RNGTT: variants seen among roughly 807,000 people sequenced by gnomAD.
RNGTT encodes RNA guanylyltransferase and 5'-phosphatase.
RNGTT carries 33 observed loss-of-function variants against 79.3 expected under a neutral mutation model. That is an observed-to-expected ratio of 0.42 (90% confidence interval 0.32 to 0.56). The LOEUF (loss-of-function observed/expected upper bound fraction) is 0.56, where lower values mean the gene tolerates loss of function less well. Among genes scored for constraint, RNGTT ranks in the 20% least tolerant of loss-of-function variants. RNGTT has a pLI of 0.17. For missense variants in RNGTT, 497 were observed against 739.1 expected (o/e 0.67, Z 3.80); for synonymous variants, 222 against 235.9 (o/e 0.94, Z 0.54).
chr6:88,646,133 TCAAA>T (rs1773546119), intron 14 of RNGTT, among the ~76,000 whole-genome samples: 1 of 151,940 alleles, frequency 6.6e-6, no homozygotes, highest in South Asian at 2.1e-4. Flanking sequence ...TACAAAGAAC[TCAAA>T]CAAATTTACA....
chr6:88,951,101 C>T lies in RNGTT; in HGVS notation c.65-9921G>A, dbSNP rs149895517. 5.0e-3 allele frequency among the ~76,000 whole-genome samples: 754 copies of T among 152,114 alleles called. 10 individuals are homozygous for T. Among genetic ancestry groups the T allele is most frequent in the East Asian group, 0.027 (141 of 5,154 alleles). Reference sequence around the variant, plus strand: ...TTTGAACTCCTGACCTCAGGTGATCCGCCTGCCTCGGCCTCCCAGAGTGCT... The same window carrying T: ...TTTGAACTCCTGACCTCAGGTGATCTGCCTGCCTCGGCCTCCCAGAGTGCT... On this transcript the variant is annotated intron_variant, in intron 1 of 15. Coordinates refer to ENST00000369485, the MANE Select transcript of RNGTT (RefSeq NM_003800.5).
chr6:88,801,013 G>A (rs919326777), intron 12 of RNGTT, among the ~76,000 whole-genome samples: 5 of 152,162 alleles, frequency 3.3e-5, no homozygotes, highest in African/African-American at 1.2e-4. Context: ...ACCTGCTATA[G>A]AGTAAAATAC....
intron 2 of RNGTT, among the ~76,000 whole-genome samples, chr6:88,930,549 T>A (rs1161529764): frequency 6.6e-6 from 1 of 151,822 alleles, no homozygotes; most frequent in East Asian, 1.9e-4. Context: ...GTAAATTGTT[T>A]AAAAAAAAGT....
At chr6:88,804,161 C>T (rs1447374761) in intron 11 of RNGTT, among the ~76,000 whole-genome samples, 1 of 151,996 alleles carries the variant, frequency 6.6e-6, no homozygotes, top group Admixed American at 6.6e-5. Flanking sequence ...GAAAAGGAAA[C>T]TGAGGTCATC....
chr6:88,812,578 G>T (rs1780175550), intron 11 of RNGTT, among the ~76,000 whole-genome samples: 1 of 152,222 alleles, frequency 6.6e-6, no homozygotes, highest in Non-Finnish European at 1.5e-5. Context: ...TCTTGGAAGA[G>T]CAGGTGGCAG....
At chr6:88,696,158 A>T (rs1775657170) in intron 13 of RNGTT, among the ~76,000 whole-genome samples, 1 of 152,230 alleles carries the variant, frequency 6.6e-6, no homozygotes, top group Non-Finnish European at 1.5e-5. Flanking sequence ...AAACGTGCTC[A>T]CCACAAAAAA....
At chr6:88,734,071 TAGTC>T (rs150765777) in intron 13 of RNGTT, among the ~76,000 whole-genome samples, 3,101 of 152,278 alleles carry the variant, frequency 0.02, 114 homozygotes, top group African/African-American at 0.069. Flanking sequence ...TTCTTATTCT[TAGTC>T]AGAAGTAAAT....
At chr6:88,808,620 T>A (rs1328033882) in intron 11 of RNGTT, among the ~76,000 whole-genome samples, 3 of 152,130 alleles carry the variant, frequency 2.0e-5, no homozygotes, top group Admixed American at 6.5e-5. Context: ...TAAATTTTTT[T>A]AAGAAATCAA....
rs566619772 is a variant in RNGTT, at chr6:88,770,768, G to T, written c.1339-894C>A. ...TGAGAAGTCCATTTGCTCCATATCC[G>T]CCTTGGACTAGGCATTGTCAGTCTT... On this transcript the variant is annotated intron_variant, in intron 12 of 15. Transcript: ENST00000369485. Among the ~76,000 whole-genome samples, 4 of 152,236 alleles carry T rather than the reference G, an allele frequency of 2.6e-5. No homozygotes were observed. In the South Asian group the frequency reaches 6.2e-4, roughly 24 times the overall value.
At chr6:88,616,888 C>T (rs1010809548) in intron 14 of RNGTT, among the ~76,000 whole-genome samples, 3 of 152,176 alleles carry the variant, frequency 2.0e-5, no homozygotes, top group Non-Finnish European at 2.9e-5. Context: ...AAGTTTTTAA[C>T]TTTGATGTAG....
intron 4 of RNGTT, among the ~76,000 whole-genome samples, chr6:88,925,025 T>C (rs933297020): frequency 6.6e-6 from 1 of 152,122 alleles, no homozygotes. Context: ...CCACCTGTTG[T>C]GTTTTTTTTT....
intron 6 of RNGTT, among the ~76,000 whole-genome samples, chr6:88,903,320 T>C (rs1241069238): frequency 2.0e-5 from 3 of 152,090 alleles, no homozygotes; most frequent in African/African-American, 7.2e-5. Flanking sequence ...GGGCTGCCAC[T>C]AGTGAGCCAT....
intron 14 of RNGTT, among the ~76,000 whole-genome samples, chr6:88,623,005 A>C (rs921606452): frequency 2.0e-5 from 3 of 152,132 alleles, no homozygotes; most frequent in African/African-American, 4.8e-5. Flanking sequence ...CAGAGAGAAA[A>C]ATATCTGGCT....
rs116215929 is a variant in RNGTT, at chr6:88,618,214, C to G, written c.1507-3819G>C. 1.7e-3 allele frequency among the ~76,000 whole-genome samples: 257 copies of G among 152,300 alleles called. 5 individuals carry two copies. The highest frequency in any genetic ancestry group is 6.0e-3 in the African/African-American group (248 of 41,570). ...ACGTACCTGCCACTACTAACCTAAA[C>G]GTATTTCCGTATTTAAGAACAATAC... On this transcript the variant is annotated intron_variant, in intron 14 of 15. Coordinates refer to ENST00000369485, the MANE Select transcript of RNGTT (RefSeq NM_003800.5).
chr6:88,647,994 T>G (rs906069697), intron 14 of RNGTT, among the ~76,000 whole-genome samples: 2 of 152,086 alleles, frequency 1.3e-5, no homozygotes, highest in Non-Finnish European at 2.9e-5. Flanking sequence ...TAAGAAAGGA[T>G]CTCTACGTTT....
In RNGTT at chr6:88,815,936, A is replaced by G. The variant is rs545416472; in HGVS notation, c.1270-14304T>C. On this transcript the variant is annotated intron_variant, in intron 11 of 15. Transcript: ENST00000369485. ...TCAGAAATAAACTTTACTTTCCACA[A>G]TATAAAAAAGTATAACATTTCCCTA... Among the ~76,000 whole-genome samples, 4 of 152,342 alleles carry G rather than the reference A, an allele frequency of 2.6e-5. No homozygotes were observed. The South Asian group carries it at 8.3e-4, about 32-fold the overall frequency.
intron 14 of RNGTT, among the ~76,000 whole-genome samples, chr6:88,649,202 A>G (rs1292120103): frequency 6.6e-6 from 1 of 152,222 alleles, no homozygotes; most frequent in African/African-American, 2.4e-5. Context: ...GTAAATTTTG[A>G]GACATGTAAC....
intron 13 of RNGTT, among the ~76,000 whole-genome samples, chr6:88,745,233 A>C (rs1308237171): frequency 6.6e-6 from 1 of 152,360 alleles, no homozygotes; most frequent in South Asian, 2.1e-4. Flanking sequence ...GTAATGAGAC[A>C]TATCTATATC....
intron 13 of RNGTT, among the ~76,000 whole-genome samples, chr6:88,753,431 G>A (rs964638463): frequency 1.3e-5 from 2 of 151,992 alleles, no homozygotes; most frequent in African/African-American, 4.8e-5. Context: ...TGGAGCCTGG[G>A]AGGTTGAGGC....
Sources: allele counts gnomAD v4.1 joint callset (sites outside exome capture counted in the v4.1 genomes callset), GRCh38; gene constraint gnomAD v4.1.1; transcripts MANE v1.5; gene names NCBI Gene and HGNC (gene_info 2026-07-23, HGNC 2026-07-21).